CFAP74: variants seen among roughly 807,000 people sequenced by gnomAD.
CFAP74 encodes the protein cilia and flagella associated protein 74.
A neutral mutation model predicts 188.9 loss-of-function variants in CFAP74; 124 were observed. That is an observed-to-expected ratio of 0.66 (90% confidence interval 0.57 to 0.76). The LOEUF is 0.76. CFAP74 is among the 30% of genes least tolerant of loss of function. The pLI is 0.00. For missense variants in CFAP74, 2,198 were observed against 2,165.2 expected (o/e 1.02, Z -0.30); for synonymous variants, 956 against 916.7 (o/e 1.04, Z -0.77).
chr1:1,924,509 G>A lies in CFAP74; in HGVS notation c.4116C>T (p.Asn1372=). 6.2e-7 allele frequency: 1 copy of A among 1,605,466 alleles called. No individual in the cohort carries two copies. The highest frequency in any genetic ancestry group is 1.1e-5 in the South Asian group (1 of 89,982). ...SVSSGFKLQN[N]SLLPIKFSMH... is the part of the protein sequence containing the mutation. The stretch of plus-strand genomic sequence containing the variant: ...TGGAGAACTTGATGGGGAGCAGAGA[G>A]TTGTTCTGCAGCTGCAGAGAGCAGG... The change falls in exon 34 of 39, where the codon AAC becomes AAT. Residue 1372 remains asparagine (N), a synonymous_variant. Transcript: ENST00000682832.
chr1:1,925,220 G>C (rs547981770), intron 33 of CFAP74, among the ~76,000 whole-genome samples: 2 of 149,374 alleles, frequency 1.3e-5, no homozygotes, highest in South Asian at 4.3e-4. Context: ...GAAGGCATGA[G>C]GGCACACGCT....
At position 1,926,258 on chromosome 1, in the gene CFAP74, C is replaced by A; in HGVS notation, c.3918G>T (p.Val1306=). The A allele has an allele frequency of 6.5e-7, 1 of 1,530,442 alleles. No homozygotes were observed. The allele number at this position is 1,530,442 out of a possible 1,614,324, so 94.8% of individuals were successfully genotyped here. A position where few individuals can be genotyped will look rare whatever the true frequency, so the allele number is the denominator to read the frequency against. Residue 1306 remains valine, a synonymous_variant, in exon 32 of 39, where the codon GTG becomes GTT. Coordinates refer to ENST00000682832, the MANE Select transcript of CFAP74 (RefSeq NM_001304360.2). ...TGCTCTCGTGGGGAGAGAAGGAAAG[C>A]ACCAGGACCTGGGTCCCACCTGCAC... is the stretch of plus-strand genomic sequence containing the variant. The part of the protein sequence containing the change: ...LLRAGGTQVL[V]LSFSPHESIL...
In CFAP74 at chr1:1,940,957, C is replaced by CA. The variant is rs534024874; in HGVS notation, c.2616-555dup. ...GAAACCCCATCTCTACTAAAAAATA[C>CA]AAAAAATTAGCCGGGCGTGGTGGCG... On this transcript the variant is annotated intron_variant, in intron 22 of 38. Coordinates refer to ENST00000682832, the MANE Select transcript of CFAP74 (RefSeq NM_001304360.2). Among the ~76,000 whole-genome samples the CA allele has an allele frequency of 2.2e-3, 334 of 152,016 alleles. 1 individual carries two copies. Among genetic ancestry groups the CA allele is most frequent in the African/African-American group, 7.7e-3 (320 of 41,462 alleles).
Position 1,923,531 on chromosome 1 carries a change from C to A in CFAP74, c.4390-32G>T. ...ACAAGAAGTGGAGTGGCCTTGTCCC[C>A]GAAGCTCGGCGGCAGGGGTCCTGCT... is the stretch of plus-strand genomic sequence containing the variant. On this transcript the variant is annotated intron_variant, in intron 35 of 38. Coordinates refer to ENST00000682832, the MANE Select transcript of CFAP74 (RefSeq NM_001304360.2). This position sits in a 1 kb window ranked among gnomAD's most constrained non-coding sequence, Gnocchi z 6.3. The A allele has an allele frequency of 1.3e-6, 2 of 1,593,338 alleles. No homozygotes were observed. The highest frequency in any genetic ancestry group is 1.1e-5 in the South Asian group (1 of 89,578).
intron 10 of CFAP74, among the ~76,000 whole-genome samples, chr1:1,969,669 A>G (rs1036409192): frequency 3.2e-4 from 49 of 152,270 alleles, no homozygotes; most frequent in African/African-American, 1.1e-3. Context: ...GCGCCAGGCT[A>G]AGGGATGTAT....
chr1:1,954,676 C>G lies in CFAP74; in HGVS notation c.2176+1015G>C, dbSNP rs72894746. 31,664 of 368,112 alleles carry G rather than the reference C, an allele frequency of 0.086. 3,732 individuals are homozygous for G. The highest frequency in any genetic ancestry group is 0.37 in the African/African-American group (16,407 of 44,534). The allele number at this position is 368,112 out of a possible 1,614,324, so 22.8% of individuals were successfully genotyped here. ...GTGCGTGCCTGTAGTTCCAGCTACT[C>G]AGGAGCTGAGGCAGGAGGATTGCTT... On this transcript the variant is annotated intron_variant, in intron 18 of 38. Transcript: ENST00000682832.
chr1:1,988,848 A>ACCCCCCCACCCCCACCCCCACCCCCC, intron 3 of CFAP74, 41 bp downstream of exon 3: 1 of 97,018 alleles, frequency 1.0e-5, no homozygotes, highest in Admixed American at 2.2e-4. Context: ...CCCCACCCCC[A>ACCCCCCCACCCCCACCCCCACCCCCC]CCCCCCCACA....
chr1:1,932,266 G>A (rs1236180917), intron 25 of CFAP74, among the ~76,000 whole-genome samples: 18 of 150,496 alleles, frequency 1.2e-4, no homozygotes, highest in African/African-American at 3.2e-4. Context: ...GCGTGGTGGT[G>A]GGCACCTGTA....
At chr1:1,939,790 G>A (rs917470313) in intron 23 of CFAP74, 23 bp from the exon 24 acceptor site, 111 of 1,525,978 alleles carry the variant, frequency 7.3e-5, no homozygotes, top group Middle Eastern at 1.7e-4. Context: ...GGGCACAGGC[G>A]CCCTCGCAGC....
intron 6 of CFAP74, among the ~76,000 whole-genome samples, chr1:1,981,241 G>A (rs1224362149): frequency 6.6e-6 from 1 of 152,222 alleles, no homozygotes; most frequent in African/African-American, 2.4e-5. Context: ...GCACCCAGCC[G>A]TCCAGTGCCC....
chr1:1,970,784 AC>A lies in CFAP74; in HGVS notation c.920del (p.Arg307LeufsTer61). Reference protein sequence around the residue: ...DTLRKFQAWDRAKAELAEQRV... With the variant: ...DTLRKFQAWDXAKAELAEQRV... Reference sequence around the variant, plus strand: ...TCTGCTCCGCCAGCTCTGCCTTGGCACGGTCCCATGCTTGGAACTTCCGCAG... The same window carrying A: ...TCTGCTCCGCCAGCTCTGCCTTGGCAGGTCCCATGCTTGGAACTTCCGCAG... On this transcript the variant is annotated frameshift_variant, in exon 10 of 39. Coordinates refer to ENST00000682832, the MANE Select transcript of CFAP74 (RefSeq NM_001304360.2). LOFTEE classifies it high-confidence loss of function. 1.2e-6 allele frequency: 2 copies of A among 1,614,142 alleles called. No homozygotes were observed. The highest frequency in any genetic ancestry group is 1.7e-6 in the Non-Finnish European group (2 of 1,180,006).
chr1:1,927,398 T>G, intron 28 of CFAP74: 1 of 592,518 alleles, frequency 1.7e-6, no homozygotes, highest in East Asian at 2.9e-5. Flanking sequence ...GGATTGAGGC[T>G]GTGTGCAGGG....
intron 25 of CFAP74, among the ~76,000 whole-genome samples, chr1:1,930,675 C>T (rs772262054): frequency 4.6e-5 from 7 of 152,188 alleles, no homozygotes; most frequent in Non-Finnish European, 1.0e-4. Context: ...CCTGCCTCAG[C>T]CTCCCGAGTA....
intron 22 of CFAP74, among the ~76,000 whole-genome samples, chr1:1,941,625 G>C (rs956682627): frequency 2.0e-5 from 3 of 152,132 alleles, no homozygotes; most frequent in African/African-American, 7.2e-5. Context: ...AGACAGCGGG[G>C]GAGTGCACGG....
intron 27 of CFAP74, 85 bp downstream of exon 27, chr1:1,928,699 C>G: frequency 5.1e-6 from 5 of 984,888 alleles, no homozygotes; most frequent in Non-Finnish European, 7.5e-6. Flanking sequence ...GTGGCCGGAG[C>G]CCCCCAGGAC....
At position 1,926,940 on chromosome 1, in the gene CFAP74, T is replaced by C. The variant is rs1173847141; in HGVS notation, c.3616A>G (p.Ser1206Gly). Reference sequence around the variant, plus strand: ...CCCTTCCTGTCTTTGATGTCGCCACTGGCAACAACACAGGGAACTACAAAT... The same window carrying C: ...CCCTTCCTGTCTTTGATGTCGCCACCGGCAACAACACAGGGAACTACAAAT... Reference protein sequence around the residue: ...DTFVVPCVVASGDIKDRKGSE... With the variant: ...DTFVVPCVVAGGDIKDRKGSE... Residue 1206 changes from serine to glycine, a missense_variant, in exon 29 of 39, where the codon AGT becomes GGT. Physicochemically the swap from Ser to Gly is moderately conservative, Grantham distance 56. Transcript: ENST00000682832. 6.5e-7 allele frequency: 1 copy of C among 1,550,244 alleles called. No homozygotes were observed. Among genetic ancestry groups the C allele is most frequent in the Non-Finnish European group, 8.7e-7 (1 of 1,146,882 alleles).
At chr1:1,978,538 T>G (rs1570962844) in intron 6 of CFAP74, among the ~76,000 whole-genome samples, 1 of 151,690 alleles carries the variant, frequency 6.6e-6, no homozygotes, top group Non-Finnish European at 1.5e-5. Context: ...GTCGCAGAGG[T>G]GATGATGAAG....
intron 6 of CFAP74, among the ~76,000 whole-genome samples, chr1:1,976,852 TTTC>T (rs1470993912): frequency 4.5e-5 from 6 of 132,622 alleles, no homozygotes; most frequent in African/African-American, 8.3e-5. Context: ...CCAAACCTCT[TTTC>T]TTTTTTTTTT....
chr1:1,922,708 T>C lies in CFAP74; in HGVS notation c.4699A>G (p.Ile1567Val), dbSNP rs1165287276. 3.1e-6 allele frequency: 5 copies of C among 1,601,858 alleles called. No homozygotes were observed. Among genetic ancestry groups the C allele is most frequent in the Admixed American group, 3.4e-5 (2 of 59,608 alleles). Residue 1567 changes from isoleucine to valine, a missense_variant, in exon 38 of 39, where the codon ATA becomes GTA. By Grantham distance (29) the Ile-to-Val change is conservative. Coordinates refer to ENST00000682832, the MANE Select transcript of CFAP74 (RefSeq NM_001304360.2). ...PSPKKTVEFS[I>V]DSVASLQHKG... ...TGCTGCAGGGATGCGACGCTGTCTA[T>C]GCTGAACTCAACGGTCTGTGGGGTA...
Sources: gnomAD v4.1 joint callset for allele counts (sites outside exome capture counted in the v4.1 genomes callset) on GRCh38, gnomAD v4.1.1 for gene constraint, Gnocchi (gnomAD v3.1) non-coding constraint, MANE v1.5 for transcripts, NCBI Gene and HGNC (gene_info 2026-07-23, HGNC 2026-07-21) for gene names.